The following RAB9B variants were observed in gnomAD, a reference collection of about 807,000 sequenced individuals.
RAB9B encodes RAB9B, member RAS oncogene family, also known as ras-related protein Rab-9B.
In RAB9B, 1 loss-of-function variant was observed where a neutral mutation model predicts 8.9. The observed-to-expected ratio is 0.11, with a 90% CI of 0.04 to 0.53. The LOEUF is 0.53. Among genes scored for constraint, RAB9B ranks in the 20% least tolerant of loss-of-function variants. The pLI, the probability that RAB9B is intolerant of heterozygous loss-of-function variation, is 0.93. For synonymous variants in RAB9B, 63 were observed against 57.0 expected (o/e 1.10, Z -0.47); for missense variants, 82 against 152.9 (o/e 0.54, Z 2.45).
At chrX:103,819,506 G>A (rs2074651728), downstream of RAB9B, among the ~76,000 whole-genome samples, 1 of 111,362 alleles carries the variant, frequency 9.0e-6, no homozygotes, top group African/African-American at 3.3e-5. Context: ...GACTACAGGT[G>A]ACGACGCCAC....
the RAB9B span, among the ~76,000 whole-genome samples, chrX:103,797,832 G>A: frequency 8.9e-6 from 1 of 111,824 alleles, no homozygotes; most frequent in Admixed American, 9.5e-5. Context: ...AAACTCCATT[G>A]AGAGAAGCAG....
At chrX:103,809,173 G>T in the RAB9B span, among the ~76,000 whole-genome samples, 1 of 111,621 alleles carries the variant, frequency 9.0e-6, no homozygotes, top group African/African-American at 3.3e-5. Context: ...TGTCTCTCTC[G>T]CTCTCTCTCT....
At chrX:103,785,937 A>T in the RAB9B span, 4 of 704,529 alleles carry the variant, frequency 5.7e-6, no homozygotes, top group Non-Finnish European at 8.4e-6. Context: ...TTCGAAGCCC[A>T]TTCAGAAAGG....
the RAB9B span, among the ~76,000 whole-genome samples, chrX:103,795,586 G>A: frequency 1.8e-5 from 2 of 111,942 alleles, no homozygotes; most frequent in Non-Finnish European, 3.8e-5. Context: ...AAAAACAACA[G>A]GGAAATGTGG....
chrX:103,796,324 G>A, the RAB9B span, among the ~76,000 whole-genome samples: 4 of 111,105 alleles, frequency 3.6e-5, no homozygotes, highest in Admixed American at 1.9e-4. Context: ...ACAAAAATTA[G>A]CCAGGCGTGG....
the RAB9B span, among the ~76,000 whole-genome samples, chrX:103,778,112 G>A: frequency 8.9e-6 from 1 of 112,030 alleles, no homozygotes; most frequent in Non-Finnish European, 1.9e-5. Context: ...TCAAATCCCA[G>A]ATCTGCTACT....
At chrX:103,797,013 C>T in the RAB9B span, among the ~76,000 whole-genome samples, 2 of 105,607 alleles carry the variant, frequency 1.9e-5, no homozygotes, top group Non-Finnish European at 3.9e-5. Flanking sequence ...GGCAACAGAG[C>T]GAGACCCTGT....
the RAB9B span, among the ~76,000 whole-genome samples, chrX:103,797,148 C>T: frequency 7.7e-5 from 8 of 103,761 alleles, no homozygotes; most frequent in East Asian, 2.5e-3. Context: ...AGTGCAGTGG[C>T]ACCGTCTCGG....
At chrX:103,831,827 C>T (rs1398858661) in intron 1 of RAB9B, among the ~76,000 whole-genome samples, 2 of 110,802 alleles carry the variant, frequency 1.8e-5, no homozygotes, top group African/African-American at 6.6e-5. Flanking sequence ...AGCCCTGCGC[C>T]TCTCTGCTCG....
At chrX:103,832,002 G>C (rs934200909) in intron 1 of RAB9B, 58 bp downstream of exon 1, 1 of 112,172 alleles carries the variant, frequency 8.9e-6, no homozygotes, top group African/African-American at 3.3e-5. Context: ...CCCACCTCCC[G>C]GCCTTCCGGG....
At chrX:103,809,024 C>G in the RAB9B span, among the ~76,000 whole-genome samples, 2 of 112,402 alleles carry the variant, frequency 1.8e-5, no homozygotes, top group South Asian at 3.7e-4. Flanking sequence ...AAGCTCTAAC[C>G]CCTTATAGGA....
At chrX:103,786,693 T>C in the RAB9B span, 1 of 1,211,235 alleles carries the variant, frequency 8.3e-7, no homozygotes, top group Non-Finnish European at 1.1e-6. Flanking sequence ...GGGTGTGTCA[T>C]TGTTTGGGAA....
At chrX:103,806,858 C>A in the RAB9B span, among the ~76,000 whole-genome samples, 1 of 155 alleles carries the variant, frequency 6.5e-3, no homozygotes, top group Non-Finnish European at 0.012. Flanking sequence ...GTACTCAGAC[C>A]GCAGAAGAGA....
the RAB9B span, chrX:103,792,680 C>A: frequency 8.9e-6 from 1 of 112,347 alleles, no homozygotes; most frequent in East Asian, 2.8e-4. Context: ...AATAATCGTA[C>A]CTTGTTCAAG....
the RAB9B span, chrX:103,785,448 C>T: frequency 1.1e-5 from 6 of 548,983 alleles, no homozygotes; most frequent in Non-Finnish European, 1.9e-5. Context: ...GCCAAAACCT[C>T]TAGCCGCTCC....
the RAB9B span, among the ~76,000 whole-genome samples, chrX:103,808,252 C>T: frequency 6.3e-5 from 7 of 111,839 alleles, no homozygotes; most frequent in Non-Finnish European, 1.1e-4. Flanking sequence ...CTTGACAAAG[C>T]CTTAGTCTCC....
chrX:103,810,423 C>T, the RAB9B span, among the ~76,000 whole-genome samples: 1 of 112,071 alleles, frequency 8.9e-6, no homozygotes, highest in Non-Finnish European at 1.9e-5. Context: ...GATGCCTGGG[C>T]TGCACCACCC....
the RAB9B span, among the ~76,000 whole-genome samples, chrX:103,812,270 A>AT: frequency 8.9e-6 from 1 of 111,892 alleles, no homozygotes; most frequent in Non-Finnish European, 1.9e-5. Flanking sequence ...CACATGGAAG[A>AT]TTAAGTTTTT....
chrX:103,827,807 C>T lies in RAB9B; in HGVS notation c.-116-729G>A, dbSNP rs192820483. Among the ~76,000 whole-genome samples the T allele has an allele frequency of 3.5e-3, 390 of 110,842 alleles. 1 individual carries two copies. Among genetic ancestry groups the T allele is most frequent in the African/African-American group, 0.012 (365 of 30,448 alleles). On this transcript the variant is annotated intron_variant, in intron 1 of 2. Coordinates refer to ENST00000243298, the MANE Select transcript of RAB9B (RefSeq NM_016370.4). ...TCAGCCTTCTGAGTAGCTGGGACTACGGGCATGCACCACCATGCCCGGCTA... is the reference window on the plus strand; with the variant it reads ...TCAGCCTTCTGAGTAGCTGGGACTATGGGCATGCACCACCATGCCCGGCTA...
Sources: gnomAD v4.1 joint callset for allele counts (sites outside exome capture counted in the v4.1 genomes callset) on GRCh38, gnomAD v4.1.1 for gene constraint, MANE v1.5 for transcripts, NCBI Gene and HGNC (gene_info 2026-07-23, HGNC 2026-07-21) for gene names.